MEI4: variants seen among roughly 807,000 people sequenced by gnomAD.
The protein encoded by MEI4 is meiotic double-stranded break formation protein 4, also known as meiosis-specific protein MEI4.
MEI4 carries 27 observed loss-of-function variants against 31.4 expected under a neutral mutation model. The observed-to-expected ratio is 0.86, with a 90% CI of 0.63 to 1.19. The LOEUF (loss-of-function observed/expected upper bound fraction) is 1.19. Ranked by LOEUF, MEI4 falls within the 50% of genes most tolerant of loss-of-function variation. The pLI, the probability that MEI4 is intolerant of heterozygous loss-of-function variation, is 0.00. For missense variants in MEI4, 329 were observed against 398.9 expected (o/e 0.82, Z 1.49); for synonymous variants, 122 against 145.4 (o/e 0.84, Z 1.16).
rs1162860451 is a variant in MEI4, at chr6:77,820,806, T to G, written c.769-8125T>G. ...ATTGTTCTCTTCTGTTAGTATACAT[T>G]ATACTTCTTTCCTCTGTGAATTCTT... On this transcript the variant is annotated intron_variant, in intron 3 of 4. Coordinates refer to ENST00000684080, the MANE Select transcript of MEI4 (RefSeq NM_001322247.2). This position sits in a 1 kb window ranked among gnomAD's most constrained non-coding sequence, Gnocchi z 4.5. 6.6e-6 allele frequency among the ~76,000 whole-genome samples: 1 copy of G among 152,202 alleles called. No individual in the cohort carries two copies. The highest frequency in any genetic ancestry group is 2.1e-4 in the South Asian group (1 of 4,824).
chr6:77,768,039 T>C (rs1331283520), intron 3 of MEI4, among the ~76,000 whole-genome samples: 1 of 152,202 alleles, frequency 6.6e-6, no homozygotes, highest in African/African-American at 2.4e-5. Context: ...TTATTATCTG[T>C]TCAGACAACA....
chr6:77,761,619 A>G lies in MEI4; in HGVS notation c.722A>G (p.Glu241Gly). The G allele has an allele frequency of 8.1e-7, 1 of 1,231,946 alleles. No homozygotes were observed. The allele number at this position is 1,231,946 out of a possible 1,614,324, so 76.3% of individuals were successfully genotyped here. A position where few individuals can be genotyped will look rare whatever the true frequency, so the allele number is the denominator to read the frequency against. The stretch of plus-strand genomic sequence containing the variant: ...TGTTCCAAGAAGTTGGAAGAATTTG[A>G]GAAAACCCTACTACATGCTATTTTA... ...KKCSKKLEEFEKTLLHAILGN... is the reference protein window; with the variant it reads ...KKCSKKLEEFGKTLLHAILGN... Residue 241 changes from glutamate to glycine, a missense_variant, in exon 3 of 5, where the codon GAG (glutamate) becomes GGG (glycine). Coordinates refer to ENST00000684080, the MANE Select transcript of MEI4 (RefSeq NM_001322247.2).
intron 4 of MEI4, among the ~76,000 whole-genome samples, chr6:77,919,642 T>C (rs1291002704): frequency 1.0e-4 from 15 of 149,714 alleles, no homozygotes; most frequent in Non-Finnish European, 1.5e-4. Context: ...AAGAAATAAC[T>C]AAAATCAGAG....
rs1310809919 is a variant in MEI4 at position 77,910,932 on chromosome 6, T to G, written c.901-12157T>G. Among the ~76,000 whole-genome samples the G allele has an allele frequency of 6.3e-3, 948 of 151,402 alleles. 14 individuals carry two copies. The highest frequency in any genetic ancestry group is 0.022 in the African/African-American group (891 of 41,308). ...CATTCTCACCAGCTTCTGGTTTTTT[T>G]TTTTTTTTTTGTCTTCTTAATCATA... On this transcript the variant is annotated intron_variant, in intron 4 of 4. Transcript: ENST00000684080.
chr6:77,685,489 T>A (rs1256907572), intron 1 of MEI4, among the ~76,000 whole-genome samples: 1 of 152,112 alleles, frequency 6.6e-6, no homozygotes, highest in Non-Finnish European at 1.5e-5. Context: ...TTTCTCCTAT[T>A]TTGCAGGTTG....
At chr6:77,872,142 C>T (rs951730714) in intron 4 of MEI4, among the ~76,000 whole-genome samples, 3 of 152,118 alleles carry the variant, frequency 2.0e-5, no homozygotes, top group Non-Finnish European at 2.9e-5. Context: ...CCCAGGCCAC[C>T]GTTTAGAGCC....
At chr6:77,769,309 C>G (rs1582122947) in intron 3 of MEI4, among the ~76,000 whole-genome samples, 1 of 152,164 alleles carries the variant, frequency 6.6e-6, no homozygotes. Context: ...AATGTTTATA[C>G]TAGGCCTGTC....
At chr6:77,853,392 C>A (rs1770677590) in intron 4 of MEI4, among the ~76,000 whole-genome samples, 1 of 152,084 alleles carries the variant, frequency 6.6e-6, no homozygotes, top group African/African-American at 2.4e-5. Context: ...GTGACTTGTC[C>A]AAGGTTGTTC....
At chr6:77,819,840 G>A (rs369338699) in intron 3 of MEI4, among the ~76,000 whole-genome samples, 8 of 152,174 alleles carry the variant, frequency 5.3e-5, no homozygotes, top group African/African-American at 7.2e-5. Context: ...CTGATCTTTT[G>A]TTGGTTCCAA....
intron 3 of MEI4, among the ~76,000 whole-genome samples, chr6:77,805,804 A>G (rs534631715): frequency 3.9e-5 from 6 of 152,242 alleles, no homozygotes; most frequent in Non-Finnish European, 8.8e-5. Flanking sequence ...TTTCCCTTAG[A>G]ACAGAAAAAT....
At chr6:77,858,642 A>T (rs1474832423) in intron 4 of MEI4, among the ~76,000 whole-genome samples, 1 of 152,142 alleles carries the variant, frequency 6.6e-6, no homozygotes, top group Admixed American at 6.6e-5. Flanking sequence ...GCAGTTAGGA[A>T]GGCGTGTTTA....
In MEI4 at chr6:77,926,773, T is replaced by C. The variant is rs1031603735; in HGVS notation, c.*3427T>C. 3.9e-5 allele frequency: 6 copies of C among 152,002 alleles called. No individual in the cohort carries two copies. The highest frequency in any genetic ancestry group is 1.4e-4 in the African/African-American group (6 of 41,434). The allele number at this position is 152,002 out of a possible 1,614,324, so 9.4% of individuals were successfully genotyped here. ...TAAGCTTTAACTTTTGTCAGATTTA[T>C]GAAACCAAGCTTTCTCTTAGCAGTC... On this transcript the variant is annotated 3_prime_UTR_variant, in exon 5 of 5. Transcript: ENST00000684080.
rs530480322 is a variant in MEI4 at position 77,683,021 on chromosome 6, T to C, written c.-14-7637T>C. Among the ~76,000 whole-genome samples, 14 of 152,292 alleles carry C rather than the reference T, an allele frequency of 9.2e-5. No individual in the cohort carries two copies. In the South Asian group the frequency reaches 2.7e-3, roughly 29 times the overall value. Reference sequence around the variant, plus strand: ...CCCTTTAAAATTTCGGTTGAAGTTATGTTTAATGTGCAAGTACTGTTCTTT... The same window carrying C: ...CCCTTTAAAATTTCGGTTGAAGTTACGTTTAATGTGCAAGTACTGTTCTTT... On this transcript the variant is annotated intron_variant, in intron 1 of 4. Transcript: ENST00000684080.
At chr6:77,898,476 T>C (rs543133689) in intron 4 of MEI4, among the ~76,000 whole-genome samples, 7 of 152,096 alleles carry the variant, frequency 4.6e-5, no homozygotes, top group Non-Finnish European at 1.0e-4. Context: ...TCAGTGAACA[T>C]TTAGTTTAAC....
At chr6:77,788,910 G>A (rs1191063707) in intron 3 of MEI4, among the ~76,000 whole-genome samples, 3 of 152,074 alleles carry the variant, frequency 2.0e-5, no homozygotes, top group East Asian at 1.9e-4. Flanking sequence ...CTACTTTAAA[G>A]TTCATATGGA....
At chr6:77,862,341 C>T (rs1770888790) in intron 4 of MEI4, among the ~76,000 whole-genome samples, 1 of 152,304 alleles carries the variant, frequency 6.6e-6, no homozygotes, top group East Asian at 1.9e-4. Context: ...AAATGAGTGA[C>T]AGACAACACC....
chr6:77,687,985 CT>C (rs1468586594), intron 1 of MEI4, among the ~76,000 whole-genome samples: 5 of 152,100 alleles, frequency 3.3e-5, no homozygotes, highest in Non-Finnish European at 7.4e-5. Flanking sequence ...ATGGTTTGGT[CT>C]TTCTGGCAAC....
chr6:77,862,975 G>A (rs11969114), intron 4 of MEI4, among the ~76,000 whole-genome samples: 41,898 of 152,100 alleles, frequency 0.28, 6,003 homozygotes, highest in East Asian at 0.36. Context: ...GGTCTGGAGT[G>A]GACCTCCAGC....
chr6:77,650,763 G>C (rs1229978341), upstream of MEI4, among the ~76,000 whole-genome samples: 1 of 152,208 alleles, frequency 6.6e-6, no homozygotes, highest in Admixed American at 6.5e-5. Context: ...ATTGATTATA[G>C]ACTGTGTCTG....
Sources: gnomAD v4.1 joint callset for allele counts (sites outside exome capture counted in the v4.1 genomes callset) on GRCh38, gnomAD v4.1.1 for gene constraint, Gnocchi (gnomAD v3.1) non-coding constraint, MANE v1.5 for transcripts, NCBI Gene and HGNC (gene_info 2026-07-23, HGNC 2026-07-21) for gene names.